LRP1B: variants seen among roughly 807,000 people sequenced by gnomAD.
LRP1B encodes LDL receptor related protein 1B.
Under a neutral mutation model 556.6 loss-of-function variants are expected in LRP1B, and 217 were observed. The observed-to-expected ratio is 0.39, with a 90% confidence interval of 0.35 to 0.44. LRP1B has a LOEUF of 0.44. Ranked by LOEUF, LRP1B falls within the 20% of genes least tolerant of loss-of-function variation. The probability of loss-of-function intolerance (pLI) is 1.00; values close to 1 mark genes in which losing one functional copy is unlikely to be tolerated. For missense variants in LRP1B, 5,053 were observed against 5,620.8 expected, an observed-to-expected ratio of 0.90 and a Z score of 3.23; for synonymous variants, 2,047 against 1,865.8, an observed-to-expected ratio of 1.10 and a Z score of -2.50.
At chr2:142,118,846 T>C (rs1257852140) in intron 1 of LRP1B, among the ~76,000 whole-genome samples, 2 of 152,154 alleles carry the variant, frequency 1.3e-5, no homozygotes, top group Admixed American at 1.3e-4. Context: ...AGCTCCAAAT[T>C]TCATTTGGTT....
Position 140,854,131 on chromosome 2 carries a change from G to GA in LRP1B, c.4580-2349dup, listed in dbSNP as rs558227214. 2.2e-3 allele frequency among the ~76,000 whole-genome samples: 332 copies of GA among 150,062 alleles called. 1 individual carries two copies. The highest frequency in any genetic ancestry group is 7.9e-3 in the African/African-American group (326 of 41,042). On this transcript the variant is annotated intron_variant, in intron 27 of 90. Coordinates refer to ENST00000389484, the MANE Select transcript of LRP1B (RefSeq NM_018557.3). ...GAGGAGTAAAAGGGAAGACAAGAAG[G>GA]AAAAAAAAGTTTGTTCAAAAACACT...
chr2:140,339,962 C>T (rs1168654005), intron 77 of LRP1B, among the ~76,000 whole-genome samples: 1 of 151,534 alleles, frequency 6.6e-6, no homozygotes, highest in African/African-American at 2.4e-5. Flanking sequence ...ACCATGTCAA[C>T]TTGGAATAAA....
At chr2:141,176,316 G>A (rs1680732560) in intron 7 of LRP1B, among the ~76,000 whole-genome samples, 1 of 152,068 alleles carries the variant, frequency 6.6e-6, no homozygotes, top group African/African-American at 2.4e-5. Context: ...ATGTCCCATT[G>A]TAATCCCCAC....
At chr2:141,314,619 G>A (rs986168654) in intron 3 of LRP1B, among the ~76,000 whole-genome samples, 6 of 150,722 alleles carry the variant, frequency 4.0e-5, no homozygotes, top group African/African-American at 1.5e-4. Flanking sequence ...ATGAAACCCC[G>A]TTTCTACTAA....
chr2:140,385,856 G>C (rs375708699), intron 67 of LRP1B, 37 bp downstream of exon 67: 24 of 1,421,702 alleles, frequency 1.7e-5, no homozygotes, highest in African/African-American at 2.8e-5. Flanking sequence ...TGAATGGGCT[G>C]TCAAGCTCAA....
At chr2:141,137,542 T>C (rs73962826) in intron 7 of LRP1B, among the ~76,000 whole-genome samples, 2,906 of 152,088 alleles carry the variant, frequency 0.019, 84 homozygotes, top group African/African-American at 0.067. Context: ...CACTGTGAAA[T>C]GCCTAACCTG....
intron 3 of LRP1B, among the ~76,000 whole-genome samples, chr2:141,342,841 G>A (rs368340227): frequency 6.6e-6 from 1 of 152,202 alleles, no homozygotes; most frequent in East Asian, 1.9e-4. Flanking sequence ...TAGCAAGACA[G>A]GCCAACATTC....
intron 3 of LRP1B, among the ~76,000 whole-genome samples, chr2:141,317,236 A>G (rs1166625719): frequency 6.6e-6 from 1 of 152,194 alleles, no homozygotes; most frequent in Non-Finnish European, 1.5e-5. Flanking sequence ...GTTAGTTGCC[A>G]TAACAAAATA....
At chr2:141,036,893 C>A (rs1183486859) in intron 11 of LRP1B, among the ~76,000 whole-genome samples, 1 of 151,828 alleles carries the variant, frequency 6.6e-6, no homozygotes, top group Non-Finnish European at 1.5e-5. Flanking sequence ...GGGGATGGGG[C>A]AGAAAATTAT....
At position 141,499,237 on chromosome 2, in the gene LRP1B, C is replaced by A. The variant is rs72851325; in HGVS notation, c.206-18704G>T. ...ATTTTACAGGTGCAGAAATAGAGAC[C>A]CAGAGATAACTGTCTTGTGCAATGT... On this transcript the variant is annotated intron_variant, in intron 2 of 90. Coordinates refer to ENST00000389484, the MANE Select transcript of LRP1B (RefSeq NM_018557.3). 1.8e-4 allele frequency among the ~76,000 whole-genome samples: 27 copies of A among 152,012 alleles called. No individual in the cohort carries two copies. The East Asian group carries it at 4.7e-3, about 26-fold the overall frequency.
intron 2 of LRP1B, among the ~76,000 whole-genome samples, chr2:141,525,047 TG>T (rs1396648587): frequency 6.6e-6 from 1 of 152,084 alleles, no homozygotes; most frequent in Non-Finnish European, 1.5e-5. Flanking sequence ...CTTGTTTTTT[TG>T]TTTTCTTTTT....
At chr2:141,670,619 T>C (rs527987472) in intron 2 of LRP1B, among the ~76,000 whole-genome samples, 1 of 152,316 alleles carries the variant, frequency 6.6e-6, no homozygotes, top group South Asian at 2.1e-4. Context: ...ATTTCACATT[T>C]TGGGTGAAGA....
intron 1 of LRP1B, among the ~76,000 whole-genome samples, chr2:142,079,253 T>G (rs1163817123): frequency 1.3e-5 from 2 of 152,168 alleles, no homozygotes; most frequent in African/African-American, 4.8e-5. Flanking sequence ...TATAAGCACT[T>G]TATGGATATA....
chr2:141,677,681 G>T (rs985495519), intron 2 of LRP1B, among the ~76,000 whole-genome samples: 2 of 152,056 alleles, frequency 1.3e-5, no homozygotes, highest in Admixed American at 6.6e-5. Context: ...TAGAGAAGGG[G>T]TTTCTCCATG....
intron 1 of LRP1B, among the ~76,000 whole-genome samples, chr2:141,997,444 TACACACACACACACAC>T (rs148682019): frequency 7.3e-6 from 1 of 137,260 alleles, no homozygotes; most frequent in Non-Finnish European, 1.6e-5. Flanking sequence ...TGTGTGTATA[TACACACACACACACAC>T]ACACACACAC....
Position 141,748,168 on chromosome 2 carries a change from C to G in LRP1B, c.205+62111G>C, listed in dbSNP as rs13389038. Among the ~76,000 whole-genome samples the G allele has an allele frequency of 3.4e-3, 524 of 152,106 alleles. 5 individuals carry two copies. The highest frequency in any genetic ancestry group is 0.011 in the African/African-American group (477 of 41,510). ...GGCTGAGATAACTAGCAACTTATTG[C>G]CAAGGTACTAGTACAATTCTAGCAG... On this transcript the variant is annotated intron_variant, in intron 2 of 90. Coordinates refer to ENST00000389484, the MANE Select transcript of LRP1B (RefSeq NM_018557.3).
chr2:140,556,306 T>C (rs959651367), intron 43 of LRP1B, among the ~76,000 whole-genome samples: 5 of 151,948 alleles, frequency 3.3e-5, no homozygotes, highest in Non-Finnish European at 7.4e-5. Flanking sequence ...TGCCCTATAC[T>C]TGGAGGAAAG....
intron 2 of LRP1B, among the ~76,000 whole-genome samples, chr2:141,701,281 A>G (rs1691930266): frequency 6.6e-6 from 1 of 151,840 alleles, no homozygotes; most frequent in Non-Finnish European, 1.5e-5. Context: ...AACCACACTT[A>G]GCTGCTCACT....
At chr2:140,392,486 A>G (rs1197736342) in intron 66 of LRP1B, among the ~76,000 whole-genome samples, 1 of 151,872 alleles carries the variant, frequency 6.6e-6, no homozygotes, top group Non-Finnish European at 1.5e-5. Flanking sequence ...ATTCAAAAGA[A>G]TGCAACCTTT....
Sources: allele counts gnomAD v4.1 joint callset (sites outside exome capture counted in the v4.1 genomes callset), GRCh38; gene constraint gnomAD v4.1.1; transcripts MANE v1.5; gene names NCBI Gene and HGNC (gene_info 2026-07-23, HGNC 2026-07-21).